The following PRIM2 variants were observed in gnomAD, a reference collection of about 807,000 sequenced individuals.
PRIM2 encodes DNA primase large subunit.
A neutral mutation model predicts 67.3 loss-of-function variants in PRIM2; 39 were observed. That is an observed-to-expected ratio of 0.58 (90% CI 0.45 to 0.76). The LOEUF (loss-of-function observed/expected upper bound fraction) is 0.76. Among genes scored for constraint, PRIM2 ranks in the 30% least tolerant of loss-of-function variants. The pLI is 0.00. For synonymous variants in PRIM2, 143 were observed against 198.7 expected (o/e 0.72, Z 2.36); for missense variants, 398 against 598.7 (o/e 0.66, Z 3.50).
At chr6:57,301,001 G>A in the PRIM2 span, among the ~76,000 whole-genome samples, 1 of 152,148 alleles carries the variant, frequency 6.6e-6, no homozygotes, top group Admixed American at 6.5e-5. Flanking sequence ...TTGCTTAAAG[G>A]TCTTTGTTGT....
chr6:57,373,764 A>C (rs1283897814), intron 5 of PRIM2, among the ~76,000 whole-genome samples: 1 of 152,162 alleles, frequency 6.6e-6, no homozygotes, highest in Admixed American at 6.5e-5. Flanking sequence ...GTAGGCATGC[A>C]GTCTTACTTC....
At chr6:57,415,633 T>C (rs1264366704) in intron 7 of PRIM2, among the ~76,000 whole-genome samples, 1 of 152,260 alleles carries the variant, frequency 6.6e-6, no homozygotes, top group East Asian at 1.9e-4. Flanking sequence ...AAGACAACCA[T>C]TCAGTGTGCT....
At chr6:57,332,277 A>C (rs558669109) in intron 5 of PRIM2, among the ~76,000 whole-genome samples, 1 of 152,082 alleles carries the variant, frequency 6.6e-6, no homozygotes, top group African/African-American at 2.4e-5. Flanking sequence ...ATTTTATTTT[A>C]TGACCTAGCA....
intron 5 of PRIM2, among the ~76,000 whole-genome samples, chr6:57,356,107 G>A (rs12189744): frequency 2.0e-5 from 3 of 152,188 alleles, no homozygotes; most frequent in Non-Finnish European, 4.4e-5. Context: ...GGATGAGAGC[G>A]TGCTGTCTAA....
At chr6:57,441,458 T>C (rs535418828) in intron 7 of PRIM2, among the ~76,000 whole-genome samples, 1 of 152,326 alleles carries the variant, frequency 6.6e-6, no homozygotes, top group African/African-American at 2.4e-5. Context: ...CAAGTGATAG[T>C]ATGTAAATGG....
chr6:57,286,656 T>TA, the PRIM2 span, among the ~76,000 whole-genome samples: 4 of 152,100 alleles, frequency 2.6e-5, no homozygotes, highest in African/African-American at 7.2e-5. Context: ...ATAAAAACCC[T>TA]AGAAGAAAAC....
intron 7 of PRIM2, among the ~76,000 whole-genome samples, chr6:57,459,088 C>G (rs1444713355): frequency 6.6e-6 from 1 of 152,174 alleles, no homozygotes; most frequent in Non-Finnish European, 1.5e-5. Context: ...GTAAGACCAC[C>G]TGGGCTGAGT....
intron 7 of PRIM2, among the ~76,000 whole-genome samples, chr6:57,416,506 TA>T (rs1465726794): frequency 1.3e-5 from 2 of 152,172 alleles, no homozygotes; most frequent in Non-Finnish European, 2.9e-5. Context: ...CCAGCTGCAT[TA>T]GCCCCTAACA....
the PRIM2 span, among the ~76,000 whole-genome samples, chr6:57,245,013 C>T: frequency 6.6e-6 from 1 of 152,172 alleles, no homozygotes; most frequent in Admixed American, 6.5e-5. Flanking sequence ...GTACAGGCTG[C>T]AGGGATGGCT....
At chr6:57,356,606 T>G (rs1205932260) in intron 5 of PRIM2, among the ~76,000 whole-genome samples, 2 of 152,200 alleles carry the variant, frequency 1.3e-5, no homozygotes. Flanking sequence ...AATCTTCTTT[T>G]CATGCAGTCT....
intron 7 of PRIM2, among the ~76,000 whole-genome samples, chr6:57,388,096 G>T (rs974879013): frequency 7.2e-5 from 11 of 152,176 alleles, no homozygotes; most frequent in Non-Finnish European, 1.3e-4. Flanking sequence ...ACCATGTGAG[G>T]CTGCAATGGC....
intron 13 of PRIM2, among the ~76,000 whole-genome samples, chr6:57,645,355 A>G (rs1777316898): frequency 6.6e-6 from 1 of 150,928 alleles, no homozygotes; most frequent in Non-Finnish European, 1.5e-5. Flanking sequence ...ACACACACAC[A>G]CACACACACA....
intron 10 of PRIM2, among the ~76,000 whole-genome samples, chr6:57,545,804 A>G (rs1339947737): frequency 6.6e-6 from 1 of 152,220 alleles, no homozygotes; most frequent in East Asian, 1.9e-4. Context: ...ACAAATGTAC[A>G]GACAGAGAAA....
intron 10 of PRIM2, among the ~76,000 whole-genome samples, chr6:57,559,195 T>C (rs1177910983): frequency 6.6e-6 from 1 of 152,104 alleles, no homozygotes; most frequent in African/African-American, 2.4e-5. Flanking sequence ...TCAGTGCCTC[T>C]CAAACTTTTT....
chr6:57,261,635 A>C, the PRIM2 span, among the ~76,000 whole-genome samples: 2 of 152,170 alleles, frequency 1.3e-5, no homozygotes, highest in Non-Finnish European at 2.9e-5. Context: ...GGAGTCTCTA[A>C]TTCCTGCCAC....
chr6:57,536,572 G>A (rs1313734166), intron 9 of PRIM2, among the ~76,000 whole-genome samples: 1 of 152,068 alleles, frequency 6.6e-6, no homozygotes, highest in Non-Finnish European at 1.5e-5. Context: ...ATTTGAAATA[G>A]CCCAAACTGG....
intron 10 of PRIM2, among the ~76,000 whole-genome samples, chr6:57,566,373 C>G (rs1198908840): frequency 1.3e-5 from 2 of 151,980 alleles, no homozygotes; most frequent in Non-Finnish European, 2.9e-5. Flanking sequence ...GTTTGTCTAT[C>G]GAATGATCTT....
At chr6:57,327,397 G>A (rs1243303503) in intron 5 of PRIM2, among the ~76,000 whole-genome samples, 1 of 152,216 alleles carries the variant, frequency 6.6e-6, no homozygotes, top group African/African-American at 2.4e-5. Flanking sequence ...TGTCTGACAA[G>A]TAGAAGACAT....
chr6:57,234,524 T>G, the PRIM2 span, among the ~76,000 whole-genome samples: 2 of 152,212 alleles, frequency 1.3e-5, no homozygotes, highest in Non-Finnish European at 2.9e-5. Context: ...ATTTTTATTT[T>G]ATTTTATTTT....
Sources: gnomAD v4.1 joint callset for allele counts (sites outside exome capture counted in the v4.1 genomes callset) on GRCh38, gnomAD v4.1.1 for gene constraint, MANE v1.5 for transcripts, NCBI Gene and HGNC (gene_info 2026-07-23, HGNC 2026-07-21) for gene names.